The following TBC1D14 variants were observed in gnomAD, a reference collection of about 807,000 sequenced individuals.
TBC1D14 encodes the protein TBC1 domain family member 14.
In TBC1D14, 26 loss-of-function variants were observed where a neutral mutation model predicts 79.0. The ratio of observed to expected loss-of-function variants is 0.33; its 90% CI spans 0.24 to 0.46. TBC1D14 has a LOEUF of 0.46. Ranked by LOEUF, TBC1D14 falls within the 20% of genes least tolerant of loss-of-function variation. TBC1D14 has a pLI of 1.00. For synonymous variants in TBC1D14, 394 were observed against 349.9 expected, an observed-to-expected ratio of 1.13 and a Z score of -1.40; for missense variants, 769 against 887.6, an observed-to-expected ratio of 0.87 and a Z score of 1.70.
At chr4:7,006,509 T>A in intron 8 of TBC1D14, 123 bp from the exon 9 acceptor site, 1 of 673,044 alleles carries the variant, frequency 1.5e-6, no homozygotes, top group Admixed American at 2.8e-5. Flanking sequence ...CAAGATGTGA[T>A]TAGGTCAGTG....
At chr4:6,978,039 G>A (rs973269112) in intron 3 of TBC1D14, among the ~76,000 whole-genome samples, 8 of 151,384 alleles carry the variant, frequency 5.3e-5, no homozygotes, top group Admixed American at 6.6e-5. Flanking sequence ...GAGCGACTCC[G>A]CCCGGCAGCC....
chr4:6,968,045 G>A (rs73202103), intron 3 of TBC1D14, among the ~76,000 whole-genome samples: 1,921 of 152,274 alleles, frequency 0.013, 17 homozygotes, highest in Non-Finnish European at 0.021. Flanking sequence ...TGTGACCGTC[G>A]CTGCCTGCAG....
chr4:7,004,974 C>A, intron 8 of TBC1D14, 50 bp downstream of exon 8: 1 of 1,528,528 alleles, frequency 6.5e-7, no homozygotes, highest in Non-Finnish European at 9.1e-7. Flanking sequence ...TTATGTTTGT[C>A]ATTCTTTATT....
chr4:7,027,395 C>A (rs1722495010), intron 13 of TBC1D14, among the ~76,000 whole-genome samples: 1 of 138,794 alleles, frequency 7.2e-6, no homozygotes, highest in Admixed American at 7.4e-5. Context: ...ATCTCACACA[C>A]CCACACAATC....
chr4:6,920,972 G>T (rs896798819), intron 1 of TBC1D14, among the ~76,000 whole-genome samples: 3 of 152,150 alleles, frequency 2.0e-5, no homozygotes, highest in Non-Finnish European at 4.4e-5. Flanking sequence ...TAGAGATGAG[G>T]TTTCACCATG....
chr4:6,957,162 A>G (rs942089663), intron 2 of TBC1D14, among the ~76,000 whole-genome samples: 2 of 152,130 alleles, frequency 1.3e-5, no homozygotes, highest in Non-Finnish European at 2.9e-5. Flanking sequence ...GCACTGGGAA[A>G]CTAGACTCCA....
At chr4:6,972,063 T>G (rs1716271383) in intron 3 of TBC1D14, among the ~76,000 whole-genome samples, 2 of 152,208 alleles carry the variant, frequency 1.3e-5, no homozygotes, top group Admixed American at 6.5e-5. Flanking sequence ...ATGGTGACAC[T>G]GCCTCGGAAG....
At chr4:6,937,781 C>T (rs938539315) in intron 2 of TBC1D14, among the ~76,000 whole-genome samples, 7 of 152,172 alleles carry the variant, frequency 4.6e-5, no homozygotes, top group East Asian at 3.9e-4. Flanking sequence ...ATGGATTCTC[C>T]GGGCGGTGGA....
At chr4:7,024,767 G>A (rs1458039076) in intron 12 of TBC1D14, among the ~76,000 whole-genome samples, 4 of 152,336 alleles carry the variant, frequency 2.6e-5, no homozygotes, top group Middle Eastern at 3.4e-3. Context: ...GGCAGGAGTC[G>A]TTGCTGTCAG....
At chr4:7,027,890 A>T (rs1331034131) in intron 13 of TBC1D14, among the ~76,000 whole-genome samples, 5 of 138,264 alleles carry the variant, frequency 3.6e-5, no homozygotes, top group Non-Finnish European at 7.8e-5. Flanking sequence ...TTGCACACCC[A>T]GTCACCCACA....
chr4:6,976,559 A>T (rs1417178725), intron 3 of TBC1D14, among the ~76,000 whole-genome samples: 1 of 152,236 alleles, frequency 6.6e-6, no homozygotes, highest in Non-Finnish European at 1.5e-5. Context: ...CAAATTCTGT[A>T]TCCAGCAAAA....
intron 11 of TBC1D14, among the ~76,000 whole-genome samples, chr4:7,014,074 A>G (rs1448054682): frequency 2.0e-5 from 3 of 152,170 alleles, no homozygotes; most frequent in Non-Finnish European, 4.4e-5. Flanking sequence ...ACGTTCATAT[A>G]TTCCTGGTTT....
At chr4:6,958,715 G>C (rs987395651) in intron 2 of TBC1D14, among the ~76,000 whole-genome samples, 4 of 152,178 alleles carry the variant, frequency 2.6e-5, no homozygotes, top group Non-Finnish European at 5.9e-5. Context: ...GATTATAGGT[G>C]TGAGCCACTG....
chr4:6,934,262 G>A (rs1712080390), intron 2 of TBC1D14, among the ~76,000 whole-genome samples: 1 of 152,036 alleles, frequency 6.6e-6, no homozygotes, highest in South Asian at 2.1e-4. Flanking sequence ...GGAGGAAGCA[G>A]CAAAAGCGAG....
At chr4:6,927,228 C>G (rs1343434330) in intron 2 of TBC1D14, among the ~76,000 whole-genome samples, 1 of 152,022 alleles carries the variant, frequency 6.6e-6, no homozygotes, top group African/African-American at 2.4e-5. Context: ...CGCTCATAGT[C>G]TGATGGGGCA....
At chr4:7,006,063 G>A (rs1433979520) in intron 8 of TBC1D14, among the ~76,000 whole-genome samples, 1 of 152,142 alleles carries the variant, frequency 6.6e-6, no homozygotes, top group Non-Finnish European at 1.5e-5. Flanking sequence ...ACACTGGCTG[G>A]GCACAGTGGC....
chr4:6,941,782 G>C (rs1353788525), intron 2 of TBC1D14, among the ~76,000 whole-genome samples: 1 of 152,230 alleles, frequency 6.6e-6, no homozygotes, highest in African/African-American at 2.4e-5. Flanking sequence ...AGATACGTCA[G>C]ACCTCCTGTG....
At chr4:7,021,771 C>A (rs917342230) in intron 12 of TBC1D14, among the ~76,000 whole-genome samples, 1 of 152,084 alleles carries the variant, frequency 6.6e-6, no homozygotes, top group Admixed American at 6.5e-5. Flanking sequence ...ACGTAAACAT[C>A]TTTTGGGAGA....
intron 2 of TBC1D14, among the ~76,000 whole-genome samples, chr4:6,944,617 G>C (rs1560268171): frequency 6.6e-6 from 1 of 152,248 alleles, no homozygotes; most frequent in Non-Finnish European, 1.5e-5. Context: ...GCTCCAAGCA[G>C]TGGCTGATGG....
Sources: gnomAD v4.1 joint callset for allele counts (sites outside exome capture counted in the v4.1 genomes callset) on GRCh38, gnomAD v4.1.1 for gene constraint, MANE v1.5 for transcripts, NCBI Gene and HGNC (gene_info 2026-07-23, HGNC 2026-07-21) for gene names.